Variants in KIF25 observed in about 807,000 individuals in gnomAD.
The protein encoded by KIF25 is kinesin family member 25.
In KIF25, 19 loss-of-function variants were observed where a neutral mutation model predicts 32.9. The observed-to-expected ratio is 0.58, with a 90% CI of 0.40 to 0.85. KIF25 has a LOEUF of 0.85. Ranked by LOEUF, KIF25 falls within the 40% of genes least tolerant of loss-of-function variation. The pLI, the probability that KIF25 is intolerant of heterozygous loss-of-function variation, is 0.00. For missense variants in KIF25, 485 were observed against 507.0 expected (o/e 0.96, Z 0.42); for synonymous variants, 225 against 213.7 (o/e 1.05, Z -0.46).
chr6:168,023,853 T>G (rs1241228667), intron 5 of KIF25, among the ~76,000 whole-genome samples: 3 of 152,242 alleles, frequency 2.0e-5, no homozygotes, highest in Non-Finnish European at 4.4e-5. Context: ...TCAGAGACAG[T>G]GCACTTTGCA....
intron 8 of KIF25, chr6:168,035,920 G>A: frequency 5.2e-6 from 2 of 386,794 alleles, no homozygotes; most frequent in South Asian, 1.9e-5. Context: ...CACACGACCT[G>A]GAGAGGGGTG....
chr6:168,020,377 G>C (rs1039383526), intron 5 of KIF25, among the ~76,000 whole-genome samples: 1 of 152,070 alleles, frequency 6.6e-6, no homozygotes, highest in Non-Finnish European at 1.5e-5. Flanking sequence ...GGAAAGCTGA[G>C]AGAATTAATC....
At chr6:168,025,433 C>A (rs991202026) in intron 5 of KIF25, among the ~76,000 whole-genome samples, 4 of 152,120 alleles carry the variant, frequency 2.6e-5, no homozygotes, top group African/African-American at 4.8e-5. Context: ...CAAGGTCTTA[C>A]CTTGCATCCC....
At chr6:168,031,297 A>G (rs182123266) in intron 7 of KIF25, among the ~76,000 whole-genome samples, 1 of 151,408 alleles carries the variant, frequency 6.6e-6, no homozygotes, top group Admixed American at 6.6e-5. Flanking sequence ...TAATTTAGGA[A>G]TGAAGAATTT....
chr6:168,034,693 C>T (rs1356254513), intron 8 of KIF25, among the ~76,000 whole-genome samples: 1 of 152,178 alleles, frequency 6.6e-6, no homozygotes, highest in Non-Finnish European at 1.5e-5. Context: ...CCTTCCGTCG[C>T]CCTTCCTCCT....
rs1798779705 is a variant in KIF25, at chr6:168,020,949, T to C, written c.-95+2909T>C. On this transcript the variant is annotated intron_variant, in intron 5 of 12. Transcript: ENST00000643607. Reference sequence around the variant, plus strand: ...GTCAATACAATGGCAACCCAAATCATAGCAGGATGTTTTGTAGAAACGAAA... The same window carrying C: ...GTCAATACAATGGCAACCCAAATCACAGCAGGATGTTTTGTAGAAACGAAA... Among the ~76,000 whole-genome samples the C allele has an allele frequency of 1.3e-5, 2 of 152,208 alleles. 1 individual carries two copies. Among genetic ancestry groups the C allele is most frequent in the South Asian group, 4.1e-4 (2 of 4,830 alleles).
chr6:168,034,096 G>A, intron 8 of KIF25, 65 bp downstream of exon 8: 2 of 1,563,580 alleles, frequency 1.3e-6, no homozygotes, highest in East Asian at 2.3e-5. Flanking sequence ...TCAGCACCTT[G>A]GTTATCACGT....
chr6:168,026,863 T>C (rs1798866969), intron 5 of KIF25, among the ~76,000 whole-genome samples: 1 of 152,178 alleles, frequency 6.6e-6, no homozygotes, highest in Non-Finnish European at 1.5e-5. Context: ...AGAACAGGAA[T>C]TTACAATGTG....
intron 11 of KIF25, 140 bp downstream of exon 11, chr6:168,042,291 C>A (rs117190346): frequency 5.2e-5 from 50 of 959,192 alleles, no homozygotes; most frequent in Non-Finnish European, 6.9e-5. Context: ...TTCCAAATCC[C>A]GTTACATTCT....
intron 8 of KIF25, among the ~76,000 whole-genome samples, chr6:168,035,354 G>C (rs574075144): frequency 1.1e-3 from 165 of 144,916 alleles, no homozygotes; most frequent in African/African-American, 4.0e-3. Flanking sequence ...TACATTCCAC[G>C]GCTGCGTTTC....
In KIF25 at chr6:168,033,947, G is replaced by A. The variant is rs775983046; in HGVS notation, c.233G>A (p.Arg78His). 4 of 1,614,142 alleles carry A rather than the reference G, an allele frequency of 2.5e-6. No individual in the cohort carries two copies. Among genetic ancestry groups the A allele is most frequent in the Middle Eastern group, 1.6e-4 (1 of 6,062 alleles). ...GSGKSYTMLGRHSDDGPVLPL... is the reference protein window; with the variant it reads ...GSGKSYTMLGHHSDDGPVLPL... ...GGAAAGAGCTATACCATGCTGGGACGCCATTCGGACGACGGCCCTGTTCTG... is the reference window on the plus strand; with the variant it reads ...GGAAAGAGCTATACCATGCTGGGACACCATTCGGACGACGGCCCTGTTCTG... Residue 78 changes from arginine to histidine, a missense_variant, in exon 8 of 13, where the codon CGC (arginine) becomes CAC (histidine). Arg to His is a conservative substitution (Grantham distance 29). Transcript: ENST00000643607.
Position 168,042,650 on chromosome 6 carries a change from T to A in KIF25, c.919T>A (p.Leu307Met), listed in dbSNP as rs113290085. Residue 307 changes from leucine to methionine, a missense_variant, in exon 12 of 13, where the codon TTG becomes ATG. Leu to Met is a conservative substitution (Grantham distance 15). Transcript: ENST00000643607. The stretch of plus-strand genomic sequence containing the variant: ...CCTGGCAGGCGTCCTGGGGGCTTTG[T>A]TGGAGCACCGTGGCCATGCCCCGTA... ...AALAGVLGAL[L>M]EHRGHAPYRN... 12 of 1,613,716 alleles carry A rather than the reference T, an allele frequency of 7.4e-6. No homozygotes were observed. In the African/African-American group the frequency reaches 8.0e-5, roughly 11 times the overall value.
intron 5 of KIF25, among the ~76,000 whole-genome samples, chr6:168,028,851 A>T (rs1798901216): frequency 6.6e-6 from 1 of 152,160 alleles, no homozygotes; most frequent in South Asian, 2.1e-4. Flanking sequence ...TGTTGCTATC[A>T]CTGATAGAGT....
intron 4 of KIF25, among the ~76,000 whole-genome samples, chr6:168,016,169 C>A (rs1798710365): frequency 6.6e-6 from 1 of 152,066 alleles, no homozygotes. Context: ...TATGGCGAGG[C>A]CAGGGGCTTG....
At chr6:168,028,664 A>G (rs985906444) in intron 5 of KIF25, among the ~76,000 whole-genome samples, 1 of 152,244 alleles carries the variant, frequency 6.6e-6, no homozygotes, top group African/African-American at 2.4e-5. Context: ...GATTGAGGTA[A>G]GTTTATAAAC....
At chr6:168,044,673 C>T (rs930505992) in intron 12 of KIF25, among the ~76,000 whole-genome samples, 154 bp from the exon 13 acceptor site, 15 of 151,878 alleles carry the variant, frequency 9.9e-5, no homozygotes, top group African/African-American at 3.6e-4. Flanking sequence ...CCTGGACCCC[C>T]GTCCCAGGAA....
At chr6:168,021,587 G>A (rs1218020390) in intron 5 of KIF25, among the ~76,000 whole-genome samples, 2 of 152,188 alleles carry the variant, frequency 1.3e-5, no homozygotes, top group Admixed American at 6.5e-5. Context: ...AGTTCAATGG[G>A]ACAAAGTATG....
At chr6:168,041,935 G>C (rs950883189) in intron 10 of KIF25, 34 bp from the exon 11 acceptor site, 160 of 1,547,296 alleles carry the variant, frequency 1.0e-4, no homozygotes, top group Non-Finnish European at 1.3e-4. Context: ...TCATGCAACT[G>C]TTTTCCTCCT....
chr6:168,037,755 T>C (rs1660776765), intron 8 of KIF25, among the ~76,000 whole-genome samples: 1 of 151,748 alleles, frequency 6.6e-6, no homozygotes. Context: ...CAGCTGCTTT[T>C]TGTTTTGAGA....
Sources: gnomAD v4.1 joint callset for allele counts (sites outside exome capture counted in the v4.1 genomes callset) on GRCh38, gnomAD v4.1.1 for gene constraint, MANE v1.5 for transcripts, NCBI Gene and HGNC (gene_info 2026-07-23, HGNC 2026-07-21) for gene names.